Variants in KRABD3 observed in about 807,000 individuals in gnomAD.
KRABD3 encodes the protein KRAB domain containing 3, also known as KRAB domain-containing protein 3.
the KRABD3 span, among the ~76,000 whole-genome samples, chr7:149,718,142 C>T: frequency 6.6e-6 from 1 of 152,054 alleles, no homozygotes; most frequent in East Asian, 2.0e-4. Context: ...TGCAGGGGCT[C>T]ACGCCTGTAA....
chr7:149,733,342 G>C, the KRABD3 span: 1 of 1,612,356 alleles, frequency 6.2e-7, no homozygotes, highest in Non-Finnish European at 8.5e-7. Flanking sequence ...GCCACTGTGG[G>C]AAGCCCCTGC....
At chr7:149,721,392 G>A in the KRABD3 span, 1 of 1,591,218 alleles carries the variant, frequency 6.3e-7, no homozygotes, top group Non-Finnish European at 8.5e-7. Context: ...GCTGCGGCAA[G>A]AGAGCCCTGC....
At chr7:149,720,536 G>T in the KRABD3 span, among the ~76,000 whole-genome samples, 1 of 152,264 alleles carries the variant, frequency 6.6e-6, no homozygotes, top group Non-Finnish European at 1.5e-5. Flanking sequence ...CCCAGATGGT[G>T]GAAGAAGTGT....
At chr7:149,728,539 C>A in the KRABD3 span, 1 of 1,613,468 alleles carries the variant, frequency 6.2e-7, no homozygotes, top group Non-Finnish European at 8.5e-7. Context: ...CACCAGGAAG[C>A]TCCCCACTGC....
the KRABD3 span, chr7:149,734,074 C>A: frequency 6.4e-7 from 1 of 1,568,618 alleles, no homozygotes; most frequent in South Asian, 1.2e-5. Flanking sequence ...CACATCTGCT[C>A]GTTCTTGCCG....
At chr7:149,725,027 C>T in the KRABD3 span, among the ~76,000 whole-genome samples, 7 of 152,344 alleles carry the variant, frequency 4.6e-5, no homozygotes, top group East Asian at 3.9e-4. Flanking sequence ...TCCAAGCCCC[C>T]GCTGCCTCGG....
chr7:149,730,576 TG>T, the KRABD3 span: 11 of 1,609,502 alleles, frequency 6.8e-6, no homozygotes, highest in Non-Finnish European at 9.3e-6. Context: ...CAGGTGAGCC[TG>T]GGGTCTCCTG....
At chr7:149,724,791 C>T in the KRABD3 span, 6 of 1,595,352 alleles carry the variant, frequency 3.8e-6, no homozygotes, top group African/African-American at 6.7e-5. Flanking sequence ...CCCTCAGTCC[C>T]TCAGCCACTG....
chr7:149,729,358 T>C, the KRABD3 span: 3 of 1,514,728 alleles, frequency 2.0e-6, no homozygotes, highest in Admixed American at 4.4e-5. Flanking sequence ...AGTGTGGAGG[T>C]GGCTCCCAGA....
chr7:149,730,449 G>A, the KRABD3 span: 1 of 1,599,722 alleles, frequency 6.3e-7, no homozygotes. Flanking sequence ...CTTCCCAGCT[G>A]TAAGCCTCCT....
At chr7:149,719,994 C>T in the KRABD3 span, 12 of 1,539,888 alleles carry the variant, frequency 7.8e-6, no homozygotes, top group African/African-American at 2.8e-5. The surrounding 1 kb of genome is among the most constrained non-coding windows in gnomAD (Gnocchi z 5.6). Flanking sequence ...CCACAGTTCC[C>T]TCTTCTTTCC....
chr7:149,719,006 G>A, the KRABD3 span, among the ~76,000 whole-genome samples: 3 of 152,162 alleles, frequency 2.0e-5, no homozygotes, highest in Non-Finnish European at 4.4e-5. The surrounding 1 kb of genome is among the most constrained non-coding windows in gnomAD (Gnocchi z 5.6). Context: ...CACAAACTAG[G>A]TGGACAGCAA....
At chr7:149,715,082 G>C in the KRABD3 span, 1 of 1,230,792 alleles carries the variant, frequency 8.1e-7, no homozygotes, top group Non-Finnish European at 1.0e-6. Flanking sequence ...GCAGGCGGAC[G>C]CGCGGACCCC....
At chr7:149,733,097 T>G in the KRABD3 span, 1 of 1,310,328 alleles carries the variant, frequency 7.6e-7, no homozygotes, top group East Asian at 2.3e-5. Flanking sequence ...TTCTGGAAGC[T>G]GGGCCTTGGA....
chr7:149,718,856 G>A, the KRABD3 span, among the ~76,000 whole-genome samples: 1 of 152,184 alleles, frequency 6.6e-6, no homozygotes, highest in African/African-American at 2.4e-5. Context: ...AAATGCTCGT[G>A]TTATTTTAAA....
chr7:149,728,763 T>C, the KRABD3 span: 3 of 1,398,248 alleles, frequency 2.1e-6, no homozygotes, highest in South Asian at 1.3e-5. Flanking sequence ...GATCTGCTCC[T>C]GAGCCAACAT....
At chr7:149,721,569 G>C in the KRABD3 span, 2 of 1,604,586 alleles carry the variant, frequency 1.2e-6, no homozygotes, top group Non-Finnish European at 1.7e-6. Flanking sequence ...GGGAGAACCA[G>C]CATTTCAAAA....
At chr7:149,717,358 AG>A in the KRABD3 span, among the ~76,000 whole-genome samples, 1 of 152,254 alleles carries the variant, frequency 6.6e-6, no homozygotes, top group Non-Finnish European at 1.5e-5. Flanking sequence ...CCTGGAAGCC[AG>A]CCTGAGCCCT....
chr7:149,730,463 C>G, the KRABD3 span: 1 of 1,603,650 alleles, frequency 6.2e-7, no homozygotes, highest in East Asian at 2.3e-5. Context: ...GCCTCCTGTC[C>G]CTCTGTCCCC....
Sources: allele counts gnomAD v4.1 joint callset (sites outside exome capture counted in the v4.1 genomes callset), GRCh38; gene constraint gnomAD v4.1.1; non-coding constraint Gnocchi (gnomAD v3.1); transcripts MANE v1.5; gene names NCBI Gene and HGNC (gene_info 2026-07-23, HGNC 2026-07-21).